The following SPDYE5 variants were observed in gnomAD, a reference collection of about 807,000 sequenced individuals.
SPDYE5 encodes the protein speedy/RINGO cell cycle regulator family member E5.
In SPDYE5, 15 loss-of-function variants were observed where a neutral mutation model predicts 48.5. The observed-to-expected ratio is 0.31, with a 90% CI of 0.21 to 0.48. The LOEUF is 0.48. Ranked by LOEUF, SPDYE5 falls within the 20% of genes least tolerant of loss-of-function variation. SPDYE5 has a pLI of 0.99. For missense variants in SPDYE5, 331 were observed against 549.1 expected, an observed-to-expected ratio of 0.60 and a Z score of 3.97; for synonymous variants, 116 against 200.7, an observed-to-expected ratio of 0.58 and a Z score of 3.57.
At chr7:75,497,019 GT>G (rs1792959224) in intron 4 of SPDYE5, 115 bp downstream of exon 4, 1 of 747,706 alleles carries the variant, frequency 1.3e-6, no homozygotes, top group Non-Finnish European at 2.2e-6. Context: ...AGCTCTCCAT[GT>G]GGGAGGAATG....
chr7:75,502,744 T>C (rs1793200546), intron 8 of SPDYE5, 89 bp from the exon 9 acceptor site: 7 of 1,087,800 alleles, frequency 6.4e-6, no homozygotes, highest in African/African-American at 1.7e-5. Context: ...TCAATTGCTC[T>C]GAACTCTAGA....
chr7:75,503,951 A>G lies in SPDYE5; in HGVS notation c.*1164A>G, dbSNP rs1793237640. 1 of 151,872 alleles carries G rather than the reference A, an allele frequency of 6.6e-6. No homozygotes were observed. The highest frequency in any genetic ancestry group is 6.6e-5 in the Admixed American group (1 of 15,234). The allele number at this position is 151,872 out of a possible 1,614,324, so 9.4% of individuals were successfully genotyped here. On this transcript the variant is annotated 3_prime_UTR_variant, in exon 9 of 9. Coordinates refer to ENST00000625065, the MANE Select transcript of SPDYE5 (RefSeq NM_001306141.4). ...GTATAATTTTGCTTTCCTTTTTAAG[A>G]GAGGATTCTTTTCATCCTAAATCTT...
rs748661423 is a variant in SPDYE5 at position 75,502,245 on chromosome 7, AGAGT to A, written c.*45+267_*45+270del. Among the ~76,000 whole-genome samples, 147 of 141,336 alleles carry A rather than the reference AGAGT, an allele frequency of 1.0e-3. 1 individual carries two copies. Among genetic ancestry groups the A allele is most frequent in the Non-Finnish European group, 1.8e-3 (116 of 65,002 alleles). 92.7% of individuals were successfully genotyped at this position (141,336 alleles called of 152,430 possible). On this transcript the variant is annotated intron_variant, in intron 8 of 8. Coordinates refer to ENST00000625065, the MANE Select transcript of SPDYE5 (RefSeq NM_001306141.4). ...GCCACTGCACTCCAGCCCGGGCGAC[AGAGT>A]GAGACCCTGCCTCAAAAATAATCAT... is the stretch of plus-strand genomic sequence containing the variant.
rs199741660 is a variant in SPDYE5, at chr7:75,501,515, C to A, written c.909C>A (p.Arg303=). The change falls in exon 7 of 9, where the codon CGC becomes CGA. Residue 303 remains arginine, a synonymous_variant. Transcript: ENST00000625065. ...RSMNPRARKK[R]SRIPLLRKRR... Reference sequence around the variant, plus strand: ...TGAACCCGAGGGCCAGGAAGAAGCGCTCTCGCATACCCTTGCTCCGTAAGC... The same window carrying A: ...TGAACCCGAGGGCCAGGAAGAAGCGATCTCGCATACCCTTGCTCCGTAAGC... 0.012 allele frequency: 14,189 copies of A among 1,227,000 alleles called. 5,365 individuals are homozygous for A. The highest frequency in any genetic ancestry group is 0.02 in the Middle Eastern group (76 of 3,864). The allele number at this position is 1,227,000 out of a possible 1,614,324, so 76.0% of individuals were successfully genotyped here.
chr7:75,492,268 G>T (rs1232631503), upstream of SPDYE5, among the ~76,000 whole-genome samples: 1 of 152,086 alleles, frequency 6.6e-6, no homozygotes, highest in Non-Finnish European at 1.5e-5. Context: ...CAGCTCTGAC[G>T]GTTTAAAGCA....
chr7:75,492,627 T>C (rs1266126772), intron 1 of SPDYE5, among the ~76,000 whole-genome samples, 186 bp downstream of exon 1: 12 of 152,006 alleles, frequency 7.9e-5, no homozygotes, highest in East Asian at 5.8e-4. Context: ...TTAGTAGAGA[T>C]GGGGTTTCAC....
chr7:75,499,772 A>C lies in SPDYE5; in HGVS notation c.755+456A>C, dbSNP rs1303231587. On this transcript the variant is annotated intron_variant, in intron 6 of 8. Coordinates refer to ENST00000625065, the MANE Select transcript of SPDYE5 (RefSeq NM_001306141.4). ...ACAGAGTGAGACTTTTTCTCAAAAA[A>C]AAAAAAAAAAAAAAAAAAAAAGCCA... 5.0e-5 allele frequency among the ~76,000 whole-genome samples: 7 copies of C among 141,412 alleles called. No homozygotes were observed. In the South Asian group the frequency reaches 1.1e-3, roughly 23 times the overall value. The allele number at this position is 141,412 out of a possible 152,430, so 92.8% of individuals were successfully genotyped here.
At chr7:75,496,059 A>G (rs1455402582) in intron 3 of SPDYE5, among the ~76,000 whole-genome samples, 1 of 147,998 alleles carries the variant, frequency 6.8e-6, no homozygotes, top group Non-Finnish European at 1.5e-5. Context: ...CCCAGAAGTC[A>G]GGAAGGAGCA....
At chr7:75,500,275 G>A in intron 6 of SPDYE5, among the ~76,000 whole-genome samples, 1 of 142,490 alleles carries the variant, frequency 7.0e-6, no homozygotes, top group Non-Finnish European at 1.5e-5. Flanking sequence ...TCTTCCAAAT[G>A]CCCTCCACTC....
intron 6 of SPDYE5, among the ~76,000 whole-genome samples, 193 bp downstream of exon 6, chr7:75,499,509 G>A (rs1409468664): frequency 6.6e-6 from 1 of 151,962 alleles, no homozygotes; most frequent in Non-Finnish European, 1.5e-5. Context: ...GCATACGCCT[G>A]TAATCCCAGC....
chr7:75,501,131 C>A (rs1231125564), intron 6 of SPDYE5, among the ~76,000 whole-genome samples: 1 of 152,180 alleles, frequency 6.6e-6, no homozygotes, highest in Non-Finnish European at 1.5e-5. Flanking sequence ...AGGCATAAGC[C>A]ACCACTCTCG....
chr7:75,493,854 C>T lies in SPDYE5; in HGVS notation c.-194C>T. 6.9e-7 allele frequency: 1 copy of T among 1,439,594 alleles called. No homozygotes were observed. Among genetic ancestry groups the T allele is most frequent in the South Asian group, 1.5e-5 (1 of 67,658 alleles). 89.2% of individuals were successfully genotyped at this position (1,439,594 alleles called of 1,614,324 possible). ...GCAGTTACATGTGTTTTTTTTCAAA[C>T]TGGTTGCCAGGTTGGCATGAGCGAT... On this transcript the variant is annotated 5_prime_UTR_variant, in exon 2 of 9. Transcript: ENST00000625065.
chr7:75,502,505 A>T (rs1472719837), intron 8 of SPDYE5, among the ~76,000 whole-genome samples: 1 of 152,140 alleles, frequency 6.6e-6, no homozygotes, highest in East Asian at 1.9e-4. Flanking sequence ...GGATCTTAAG[A>T]GACACAAAAG....
At chr7:75,496,493 T>A (rs1335541895) in intron 3 of SPDYE5, among the ~76,000 whole-genome samples, 181 bp from the exon 4 acceptor site, 2 of 119,686 alleles carry the variant, frequency 1.7e-5, no homozygotes, top group African/African-American at 7.1e-5. Flanking sequence ...AACGGGAGAA[T>A]GGGGAGGAGA....
At chr7:75,499,828 T>A (rs1388053135) in intron 6 of SPDYE5, among the ~76,000 whole-genome samples, 24 of 37,808 alleles carry the variant, frequency 6.3e-4, no homozygotes, top group African/African-American at 1.1e-3. Context: ...AGTGTACAAA[T>A]AAAAGAATAA....
rs1199563944 is a variant in SPDYE5 at position 75,504,015 on chromosome 7, C to T, written c.*1228C>T. The T allele has an allele frequency of 6.6e-6, 1 of 151,854 alleles. No individual in the cohort carries two copies. The highest frequency in any genetic ancestry group is 2.4e-5 in the African/African-American group (1 of 41,366). The allele number at this position is 151,854 out of a possible 1,614,324, so 9.4% of individuals were successfully genotyped here. ...TTTGTATCTATTATTACACGTGTTG[C>T]TGAAGGGAGCATGGTTTTTATCTGT... On this transcript the variant is annotated 3_prime_UTR_variant, in exon 9 of 9. Coordinates refer to ENST00000625065, the MANE Select transcript of SPDYE5 (RefSeq NM_001306141.4).
At position 75,501,465 on chromosome 7, in the gene SPDYE5, C is replaced by T. The variant is rs782801632; in HGVS notation, c.859C>T (p.Arg287Cys). Residue 287 changes from arginine (R) to cysteine (C), a missense_variant, in exon 7 of 9, where the codon CGT (arginine) becomes TGT (cysteine). Coordinates refer to ENST00000625065, the MANE Select transcript of SPDYE5 (RefSeq NM_001306141.4). Reference sequence around the variant, plus strand: ...CTCTCGCATACCCTTGCTCCGTAAGCGTTGGTTCCAGTTAGGCCGTTCCAT... The same window carrying T: ...CTCTCGCATACCCTTGCTCCGTAAGTGTTGGTTCCAGTTAGGCCGTTCCAT... ...NRSRIPLLRKRWFQLGRSMNP... is the reference protein window; with the variant it reads ...NRSRIPLLRKCWFQLGRSMNP... The T allele has an allele frequency of 1.4e-5, 23 of 1,609,954 alleles. No individual in the cohort carries two copies. The highest frequency in any genetic ancestry group is 1.3e-4 in the Admixed American group (8 of 59,858).
intron 1 of SPDYE5, among the ~76,000 whole-genome samples, chr7:75,493,128 C>G (rs1301362789): frequency 6.6e-6 from 1 of 151,968 alleles, no homozygotes; most frequent in African/African-American, 2.4e-5. Flanking sequence ...TCTTTTTGTA[C>G]ATGTGATATT....
intron 6 of SPDYE5, among the ~76,000 whole-genome samples, chr7:75,501,124 C>G (rs1347864523): frequency 2.0e-5 from 3 of 152,200 alleles, no homozygotes; most frequent in Non-Finnish European, 4.4e-5. Context: ...GGATTCCAGG[C>G]ATAAGCCACC....
Sources: allele counts gnomAD v4.1 joint callset (sites outside exome capture counted in the v4.1 genomes callset), GRCh38; gene constraint gnomAD v4.1.1; transcripts MANE v1.5; gene names NCBI Gene and HGNC (gene_info 2026-07-23, HGNC 2026-07-21).